Variants in KCNQ1OT1 observed in about 807,000 individuals in gnomAD.
KCNQ1OT1 encodes the protein KCNQ1 opposite strand/antisense transcript 1.
rs35618307 is a variant in KCNQ1OT1 at position 2,619,712 on chromosome 11, A to ATTT, written n.80280_80282dup. The ATTT allele has an allele frequency of 3.7e-3, 1,360 of 368,020 alleles. 19 individuals carry two copies. The highest frequency in any genetic ancestry group is 0.025 in the African/African-American group (1,138 of 44,980). The allele number at this position is 368,020 out of a possible 1,614,324, so 22.8% of individuals were successfully genotyped here. ...GTTAGGAAGTATTCCCTTTAGCTGCATTTTTTTTTTTTTGGAAGTATTCCC... is the reference window on the plus strand; with the variant it reads ...GTTAGGAAGTATTCCCTTTAGCTGCATTTTTTTTTTTTTTTTGGAAGTATTCCC... On this transcript the variant is annotated non_coding_transcript_exon_variant, in exon 1 of 1. Transcript: ENST00000597346.
exon 1 of KCNQ1OT1, chr11:2,635,553 G>C (rs1390491499): frequency 6.6e-6 from 1 of 152,090 alleles, no homozygotes; most frequent in Admixed American, 6.5e-5. Flanking sequence ...CTCTGTTTTG[G>C]TACCAGTACC....
rs570781640 is a variant in KCNQ1OT1 at position 2,670,250 on chromosome 11, G to C, written n.29745C>G. On this transcript the variant is annotated non_coding_transcript_exon_variant, in exon 1 of 1. Coordinates refer to ENST00000597346, the Ensembl canonical transcript of KCNQ1OT1. This position sits in a 1 kb window ranked among gnomAD's most constrained non-coding sequence, Gnocchi z 4.9. ...GCCTTTGACCCTGCACATGACGGGC[G>C]AGGGAAGAGGACCATGGTAGCTTGT... is the stretch of plus-strand genomic sequence containing the variant. 1 of 398,462 alleles carries C rather than the reference G, an allele frequency of 2.5e-6. No homozygotes were observed. Among genetic ancestry groups the C allele is most frequent in the Admixed American group, 4.4e-5 (1 of 22,710 alleles). The allele number at this position is 398,462 out of a possible 1,614,324, so 24.7% of individuals were successfully genotyped here.
exon 1 of KCNQ1OT1, chr11:2,697,083 T>G (rs78344341): frequency 0.015 from 5,814 of 398,580 alleles, 205 homozygotes; most frequent in East Asian, 0.096. Flanking sequence ...TACTCGACAT[T>G]ATTTGCCTTT....
chr11:2,662,470 G>T (rs1012630863), exon 1 of KCNQ1OT1: 15 of 469,154 alleles, frequency 3.2e-5, no homozygotes, highest in Non-Finnish European at 5.6e-5. Flanking sequence ...GATGCCGGGT[G>T]CAGTCTGCCA....
chr11:2,619,709 T>G (rs557008306), exon 1 of KCNQ1OT1: 43 of 393,624 alleles, frequency 1.1e-4, no homozygotes, highest in African/African-American at 9.6e-4. Flanking sequence ...TCCCTTTAGC[T>G]GCATTTTTTT....
chr11:2,643,184 T>C (rs1417786656), exon 1 of KCNQ1OT1: 1 of 398,244 alleles, frequency 2.5e-6, no homozygotes, highest in African/African-American at 2.1e-5. Context: ...CCATTTGGTA[T>C]AAAGTGCAGT....
At position 2,678,560 on chromosome 11, in the gene KCNQ1OT1, A is replaced by G. The variant is rs775253695; in HGVS notation, n.21435T>C. Reference sequence around the variant, plus strand: ...TGATAGGCCAGAGCTCAGTTATTTTAATTATGTAACTTTATGATGCACTTA... The same window carrying G: ...TGATAGGCCAGAGCTCAGTTATTTTGATTATGTAACTTTATGATGCACTTA... On this transcript the variant is annotated non_coding_transcript_exon_variant, in exon 1 of 1. Coordinates refer to ENST00000597346, the Ensembl canonical transcript of KCNQ1OT1. This position sits in a 1 kb window ranked among gnomAD's most constrained non-coding sequence, Gnocchi z 4.9. 1.0e-5 allele frequency: 4 copies of G among 398,556 alleles called. No homozygotes were observed. Among genetic ancestry groups the G allele is most frequent in the Non-Finnish European group, 1.8e-5 (4 of 226,054 alleles). The allele number at this position is 398,556 out of a possible 1,614,324, so 24.7% of individuals were successfully genotyped here. A position where few individuals can be genotyped will look rare whatever the true frequency, so the allele number is the denominator to read the frequency against.
At chr11:2,629,568 C>A (rs1849318659) in exon 1 of KCNQ1OT1, 1 of 398,340 alleles carries the variant, frequency 2.5e-6, no homozygotes, top group Non-Finnish European at 4.4e-6. Flanking sequence ...GTTTTCCTGG[C>A]ACCATTTGTT....
exon 1 of KCNQ1OT1, chr11:2,697,430 C>T: frequency 5.0e-6 from 2 of 398,518 alleles, no homozygotes; most frequent in African/African-American, 2.1e-5. Context: ...TTGGCCTACT[C>T]CTTATCTTAA....
chr11:2,629,102 G>C, exon 1 of KCNQ1OT1: 1 of 397,690 alleles, frequency 2.5e-6, no homozygotes, highest in African/African-American at 2.1e-5. Flanking sequence ...CAAATTTTAG[G>C]ATTTTTTTTG....
At chr11:2,692,465 G>A in exon 1 of KCNQ1OT1, 1 of 398,718 alleles carries the variant, frequency 2.5e-6, no homozygotes, top group Non-Finnish European at 4.4e-6. Flanking sequence ...TAATCCTGCA[G>A]CTGCCTTTCT....
At chr11:2,630,688 A>G (rs1849338461) in exon 1 of KCNQ1OT1, 3 of 398,418 alleles carry the variant, frequency 7.5e-6, no homozygotes, top group African/African-American at 4.1e-5. Context: ...TTGTACTTTC[A>G]TATGTTTTCA....
exon 1 of KCNQ1OT1, chr11:2,637,323 C>G (rs982807200): frequency 1.3e-5 from 2 of 152,190 alleles, no homozygotes; most frequent in African/African-American, 2.4e-5. Context: ...GCATTTAGTG[C>G]TATAAATTTC....
Position 2,695,045 on chromosome 11 carries a change from G to A in KCNQ1OT1, n.4950C>T. On this transcript the variant is annotated non_coding_transcript_exon_variant, in exon 1 of 1. Coordinates refer to ENST00000597346, the Ensembl canonical transcript of KCNQ1OT1. The surrounding 1 kb of genome is among the most constrained non-coding windows in gnomAD (Gnocchi z 5.2). Reference sequence around the variant, plus strand: ...CAGAGAGGTAAGCAGGGCAGATCTTGTAAAAACCTGATGGAATTTGAATTT... The same window carrying A: ...CAGAGAGGTAAGCAGGGCAGATCTTATAAAAACCTGATGGAATTTGAATTT... 7.5e-6 allele frequency: 3 copies of A among 398,644 alleles called. No individual in the cohort carries two copies. Among genetic ancestry groups the A allele is most frequent in the Non-Finnish European group, 1.3e-5 (3 of 226,076 alleles). The allele number at this position is 398,644 out of a possible 1,614,324, so 24.7% of individuals were successfully genotyped here. A position where few individuals can be genotyped will look rare whatever the true frequency, so the allele number is the denominator to read the frequency against.
At chr11:2,675,941 A>G in exon 1 of KCNQ1OT1, 1 of 398,682 alleles carries the variant, frequency 2.5e-6, no homozygotes, top group Non-Finnish European at 4.4e-6. Flanking sequence ...CACACATGGT[A>G]AAACCAATTC....
Position 2,651,532 on chromosome 11 carries a change from G to T in KCNQ1OT1, n.48463C>A. 2.5e-6 allele frequency: 1 copy of T among 398,642 alleles called. No homozygotes were observed. Among genetic ancestry groups the T allele is most frequent in the Non-Finnish European group, 4.4e-6 (1 of 226,080 alleles). 24.7% of individuals were successfully genotyped at this position (398,642 alleles called of 1,614,324 possible). A position where few individuals can be genotyped will look rare whatever the true frequency, so the allele number is the denominator to read the frequency against. ...GAACGTGAATGCTAAGGGCATATGA[G>T]TGTGTCCCTGAGAACATGGATATTG... On this transcript the variant is annotated non_coding_transcript_exon_variant, in exon 1 of 1. Transcript: ENST00000597346. The surrounding 1 kb of genome is among the most constrained non-coding windows in gnomAD (Gnocchi z 6.1).
exon 1 of KCNQ1OT1, chr11:2,614,437 C>A (rs1849028222): frequency 2.5e-6 from 1 of 398,210 alleles, no homozygotes; most frequent in Non-Finnish European, 4.4e-6. Flanking sequence ...TTTTTTGTGT[C>A]TTTTCTAAGA....
Position 2,671,833 on chromosome 11 carries a change from T to C in KCNQ1OT1, n.28162A>G. On this transcript the variant is annotated non_coding_transcript_exon_variant, in exon 1 of 1. Coordinates refer to ENST00000597346, the Ensembl canonical transcript of KCNQ1OT1. The surrounding 1 kb of genome is among the most constrained non-coding windows in gnomAD (Gnocchi z 4.7). ...AATCCCTGCAACCCCACTGTGGTTATAGGTCTGAGCCTTCTGCCCCAGGGA... is the reference window on the plus strand; with the variant it reads ...AATCCCTGCAACCCCACTGTGGTTACAGGTCTGAGCCTTCTGCCCCAGGGA... The C allele has an allele frequency of 2.5e-6, 1 of 398,786 alleles. No individual in the cohort carries two copies. Among genetic ancestry groups the C allele is most frequent in the Admixed American group, 4.4e-5 (1 of 22,746 alleles). The allele number at this position is 398,786 out of a possible 1,614,324, so 24.7% of individuals were successfully genotyped here. A position where few individuals can be genotyped will look rare whatever the true frequency, so the allele number is the denominator to read the frequency against.
At position 2,647,060 on chromosome 11, in the gene KCNQ1OT1, T is replaced by G; in HGVS notation, n.52935A>C. The G allele has an allele frequency of 7.5e-6, 3 of 398,614 alleles. No homozygotes were observed. Among genetic ancestry groups the G allele is most frequent in the Non-Finnish European group, 8.8e-6 (2 of 226,046 alleles). The allele number at this position is 398,614 out of a possible 1,614,324, so 24.7% of individuals were successfully genotyped here. The stretch of plus-strand genomic sequence containing the variant: ...AGTGAAAGTGGGCATCCTTGTCTTG[T>G]TCTAGTTCTAAGAGAGAAGGTGTTT... On this transcript the variant is annotated non_coding_transcript_exon_variant, in exon 1 of 1. Transcript: ENST00000597346. This position sits in a 1 kb window ranked among gnomAD's most constrained non-coding sequence, Gnocchi z 4.0.
Sources: allele counts gnomAD v4.1 joint callset, GRCh38; gene constraint gnomAD v4.1.1; non-coding constraint Gnocchi (gnomAD v3.1); transcripts MANE v1.5; gene names NCBI Gene and HGNC (gene_info 2026-07-23, HGNC 2026-07-21).